Variants in PDZD2 observed in about 807,000 individuals in gnomAD.
The protein encoded by PDZD2 is PDZ domain containing 2.
A neutral mutation model predicts 220.7 loss-of-function variants in PDZD2; 90 were observed. That is an observed-to-expected ratio of 0.41 (90% CI 0.34 to 0.49). The LOEUF is 0.49. Ranked by LOEUF, PDZD2 falls within the 20% of genes least tolerant of loss-of-function variation. The pLI, the probability that PDZD2 is intolerant of heterozygous loss-of-function variation, is 0.28. For synonymous variants in PDZD2, 1,375 were observed against 1,450.5 expected, an observed-to-expected ratio of 0.95 and a Z score of 1.18; for missense variants, 3,174 against 3,608.5, an observed-to-expected ratio of 0.88 and a Z score of 3.08.
At chr5:32,050,227 G>A (rs370849482) in intron 8 of PDZD2, among the ~76,000 whole-genome samples, 8 of 151,966 alleles carry the variant, frequency 5.3e-5, no homozygotes, top group South Asian at 2.1e-4. Flanking sequence ...CACCGTGCCC[G>A]GCCTTGTCAG....
intron 1 of PDZD2, among the ~76,000 whole-genome samples, chr5:31,678,867 G>A (rs1425766648): frequency 2.0e-5 from 3 of 152,106 alleles, no homozygotes; most frequent in Admixed American, 1.3e-4. Flanking sequence ...TTGGCCTCCC[G>A]AAGTGCTGGG....
At chr5:31,939,682 G>A (rs1372271719) in intron 2 of PDZD2, among the ~76,000 whole-genome samples, 1 of 152,184 alleles carries the variant, frequency 6.6e-6, no homozygotes, top group Non-Finnish European at 1.5e-5. Flanking sequence ...AGTCACTTTG[G>A]CGTGCAAGCC....
chr5:31,653,445 T>C (rs944178644), intron 1 of PDZD2, among the ~76,000 whole-genome samples: 1 of 152,096 alleles, frequency 6.6e-6, no homozygotes, highest in Non-Finnish European at 1.5e-5. Context: ...GTCCTACTTA[T>C]AAGGAATCCA....
At chr5:32,023,232 C>T (rs1233341734) in intron 6 of PDZD2, among the ~76,000 whole-genome samples, 3 of 148,824 alleles carry the variant, frequency 2.0e-5, no homozygotes, top group Non-Finnish European at 4.4e-5. Flanking sequence ...CCCTCCTGCT[C>T]ACTTGATGCC....
intron 2 of PDZD2, among the ~76,000 whole-genome samples, chr5:31,898,084 C>T (rs925811717): frequency 6.6e-6 from 1 of 152,158 alleles, no homozygotes; most frequent in Non-Finnish European, 1.5e-5. Context: ...GGTGGACACT[C>T]ATCATTTGTC....
chr5:31,721,635 A>T (rs444849), intron 1 of PDZD2, among the ~76,000 whole-genome samples: 83,067 of 150,940 alleles, frequency 0.55, 23,178 homozygotes, highest in East Asian at 0.78. Context: ...GGCTATCTTT[A>T]AAAAAGTAAC....
intron 1 of PDZD2, among the ~76,000 whole-genome samples, chr5:31,783,681 G>A (rs775238218): frequency 5.3e-5 from 8 of 152,060 alleles, no homozygotes; most frequent in Non-Finnish European, 8.8e-5. Flanking sequence ...GATCGGCAGC[G>A]TGCCTGAGAG....
At chr5:31,875,453 G>A (rs62361601) in intron 2 of PDZD2, among the ~76,000 whole-genome samples, 47,398 of 151,246 alleles carry the variant, frequency 0.31, 8,614 homozygotes, top group South Asian at 0.52. Context: ...GGGCGTGGTC[G>A]CTCATGCCTG....
intron 24 of PDZD2, among the ~76,000 whole-genome samples, chr5:32,104,129 C>T (rs939734331): frequency 2.0e-5 from 3 of 151,826 alleles, no homozygotes; most frequent in South Asian, 2.1e-4. Flanking sequence ...ATTATCTGGC[C>T]GGGCATGGTG....
chr5:32,054,045 C>T (rs1275055680), intron 10 of PDZD2, among the ~76,000 whole-genome samples, 162 bp downstream of exon 10: 1 of 152,184 alleles, frequency 6.6e-6, no homozygotes, highest in Non-Finnish European at 1.5e-5. Flanking sequence ...TAGTTGTAAA[C>T]TTGGAATATT....
At chr5:31,875,174 C>G (rs1486204778) in intron 2 of PDZD2, among the ~76,000 whole-genome samples, 1 of 152,122 alleles carries the variant, frequency 6.6e-6, no homozygotes, top group Non-Finnish European at 1.5e-5. Flanking sequence ...TTCTCTACAT[C>G]CTCTATATCT....
At chr5:32,065,864 A>G (rs1361772735) in intron 14 of PDZD2, among the ~76,000 whole-genome samples, 2 of 152,126 alleles carry the variant, frequency 1.3e-5, no homozygotes, top group African/African-American at 4.8e-5. Flanking sequence ...TGTCTCTACT[A>G]AAAATATAAA....
chr5:31,785,840 C>T (rs1235813370), intron 1 of PDZD2, among the ~76,000 whole-genome samples: 1 of 152,038 alleles, frequency 6.6e-6, no homozygotes, highest in Non-Finnish European at 1.5e-5. Flanking sequence ...CCCCAAGGTT[C>T]GGTGGTTTTC....
chr5:31,755,517 G>C (rs1353300941), intron 1 of PDZD2, among the ~76,000 whole-genome samples: 1 of 151,968 alleles, frequency 6.6e-6, no homozygotes, highest in East Asian at 1.9e-4. Flanking sequence ...CTCTCTCCTC[G>C]AATGAGTACG....
intron 15 of PDZD2, among the ~76,000 whole-genome samples, chr5:32,070,920 C>T (rs1330788710): frequency 2.5e-5 from 2 of 79,144 alleles, no homozygotes; most frequent in Admixed American, 1.1e-4. Context: ...TTCAGTGAGC[C>T]GAGATCATGC....
intron 2 of PDZD2, among the ~76,000 whole-genome samples, chr5:31,833,449 C>T (rs1397306058): frequency 6.7e-6 from 1 of 149,692 alleles, no homozygotes; most frequent in Non-Finnish European, 1.5e-5. Flanking sequence ...GCCTGGGCAA[C>T]AGAGTGAGAC....
intron 1 of PDZD2, among the ~76,000 whole-genome samples, chr5:31,761,590 G>A (rs908779165): frequency 7.9e-5 from 12 of 152,146 alleles, no homozygotes; most frequent in Non-Finnish European, 1.6e-4. Flanking sequence ...GCCAGGCACA[G>A]TGGCTCATGC....
In PDZD2 at chr5:32,110,186, T is replaced by A. The variant is rs1745249297; in HGVS notation, c.*2051T>A. On this transcript the variant is annotated 3_prime_UTR_variant, in exon 25 of 25. Transcript: ENST00000438447. ...ACAGCTGTGCCTAATAATAATTAATTAATAAACGCACAGCCCTATGTGAAC... is the reference window on the plus strand; with the variant it reads ...ACAGCTGTGCCTAATAATAATTAATAAATAAACGCACAGCCCTATGTGAAC... 1 of 152,276 alleles carries A rather than the reference T, an allele frequency of 6.6e-6. No homozygotes were observed. The highest frequency in any genetic ancestry group is 1.5e-5 in the Non-Finnish European group (1 of 68,042). The allele number at this position is 152,276 out of a possible 1,614,324, so 9.4% of individuals were successfully genotyped here. A position where few individuals can be genotyped will look rare whatever the true frequency, so the allele number is the denominator to read the frequency against.
At chr5:31,851,679 C>T (rs1320154445) in intron 2 of PDZD2, among the ~76,000 whole-genome samples, 1 of 152,148 alleles carries the variant, frequency 6.6e-6, no homozygotes, top group African/African-American at 2.4e-5. Context: ...AAGACAAAAT[C>T]GTAGACCACA....
Sources: gnomAD v4.1 joint callset for allele counts (sites outside exome capture counted in the v4.1 genomes callset) on GRCh38, gnomAD v4.1.1 for gene constraint, MANE v1.5 for transcripts, NCBI Gene and HGNC (gene_info 2026-07-23, HGNC 2026-07-21) for gene names.